Variants in KHDRBS1 observed in about 807,000 individuals in gnomAD.
KHDRBS1 encodes KH RNA binding domain containing, signal transduction associated 1.
A neutral mutation model predicts 48.4 loss-of-function variants in KHDRBS1; 7 were observed. The ratio of observed to expected loss-of-function variants is 0.14; its 90% CI spans 0.08 to 0.27. The LOEUF (loss-of-function observed/expected upper bound fraction) is 0.27. Among genes scored for constraint, KHDRBS1 ranks in the 10% least tolerant of loss-of-function variants. The pLI is 1.00. For missense variants in KHDRBS1, 458 were observed against 601.2 expected (o/e 0.76, Z 2.49); for synonymous variants, 241 against 235.8 (o/e 1.02, Z -0.20).
intron 8 of KHDRBS1, among the ~76,000 whole-genome samples, chr1:32,042,007 T>C (rs761108581): frequency 1.5e-4 from 23 of 152,202 alleles, no homozygotes; most frequent in Non-Finnish European, 2.8e-4. Context: ...TGCTTGGTTT[T>C]CCCAGGGAGC....
intron 1 of KHDRBS1, among the ~76,000 whole-genome samples, chr1:32,022,578 TC>T (rs1387315249): frequency 3.9e-5 from 6 of 152,046 alleles, no homozygotes; most frequent in Admixed American, 2.0e-4. Context: ...ATTGTCTTGT[TC>T]CTTATGCAGG....
At position 32,033,176 on chromosome 1, in the gene KHDRBS1, A is replaced by C; in HGVS notation, c.625-12A>C. ...AGTCCATGGTGTGACATTTCTCTGC[A>C]TTTTTCCATAGGAGGAAGAGCTGCG... On this transcript the variant is annotated splice_polypyrimidine_tract_variant and intron_variant, in intron 3 of 8. Coordinates refer to ENST00000327300, the MANE Select transcript of KHDRBS1 (RefSeq NM_006559.3). The C allele has an allele frequency of 6.2e-7, 1 of 1,611,758 alleles. No homozygotes were observed.
intron 10 of KHDRBS1, among the ~76,000 whole-genome samples, chr1:32,050,707 G>T (rs1179422649): frequency 6.6e-6 from 1 of 151,866 alleles, no homozygotes; most frequent in Admixed American, 6.6e-5. Flanking sequence ...TAGAGGCAAG[G>T]TTTCACCATG....
At chr1:32,059,174 A>C (rs1335232544) in intron 10 of KHDRBS1, among the ~76,000 whole-genome samples, 1 of 151,402 alleles carries the variant, frequency 6.6e-6, no homozygotes, top group Admixed American at 6.6e-5. Context: ...AGAAAAAAAA[A>C]AAAAAAAAAA....
At chr1:32,054,144 AAGTT>A (rs1639453450) in intron 10 of KHDRBS1, among the ~76,000 whole-genome samples, 2 of 152,294 alleles carry the variant, frequency 1.3e-5, no homozygotes, top group East Asian at 1.9e-4. Flanking sequence ...TTGGAAGAAT[AAGTT>A]AGTGCTGATT....
At chr1:32,028,889 A>G (rs1429535571) in intron 1 of KHDRBS1, among the ~76,000 whole-genome samples, 9 of 151,066 alleles carry the variant, frequency 6.0e-5, no homozygotes, top group African/African-American at 9.8e-5. Flanking sequence ...CCTCATCTCT[A>G]TTAGAACTCC....
At chr1:32,014,657 C>G (rs763834097) in intron 1 of KHDRBS1, among the ~76,000 whole-genome samples, 1 of 152,244 alleles carries the variant, frequency 6.6e-6, no homozygotes, top group Admixed American at 6.5e-5. Flanking sequence ...CCCGACTCTT[C>G]CCTCCTCCCT....
chr1:32,045,132 G>T (rs1047736010), downstream of KHDRBS1, among the ~76,000 whole-genome samples: 1 of 152,118 alleles, frequency 6.6e-6, no homozygotes, highest in Non-Finnish European at 1.5e-5. Flanking sequence ...TTTCTGCTCA[G>T]CTATTTAAAA....
Position 32,033,334 on chromosome 1 carries a change from G to A in KHDRBS1, c.771G>A (p.Pro257=), listed in dbSNP as rs1254351666. The change falls in exon 4 of 9, where the codon CCG becomes CCA. Residue 257 remains proline (P), a splice_region_variant and synonymous_variant. Transcript: ENST00000327300. The stretch of plus-strand genomic sequence containing the variant: ...AGGAAGTCAAGAAATTTCTAGTACC[G>A]GTAAGGAAATCCATATCCTGTGTCT... ...AMEEVKKFLV[P]DMMDDICQEQ... is the part of the protein sequence containing the mutation. The A allele has an allele frequency of 1.9e-6, 3 of 1,613,932 alleles. No homozygotes were observed. Among genetic ancestry groups the A allele is most frequent in the African/African-American group, 2.7e-5 (2 of 75,044 alleles).
At chr1:32,036,162 G>GTT (rs1639173396) in intron 4 of KHDRBS1, among the ~76,000 whole-genome samples, 1 of 104,992 alleles carries the variant, frequency 9.5e-6, no homozygotes, top group African/African-American at 4.0e-5. Flanking sequence ...TCATTTTGAA[G>GTT]ATTTTTTTTT....
intron 7 of KHDRBS1, 69 bp from the exon 8 acceptor site, chr1:32,039,446 G>C: frequency 1.3e-6 from 1 of 793,962 alleles, no homozygotes; most frequent in Non-Finnish European, 2.3e-6. Context: ...CTGACTTATG[G>C]AAGTATTTGA....
rs959608451 is a variant in KHDRBS1, at chr1:32,017,849, C to T, written c.382+3472C>T. Reference sequence around the variant, plus strand: ...CTCAAACTCCCGACCTCAGGTGATCCGCCTGCCTCGGCCTCCCAAAGTGCT... The same window carrying T: ...CTCAAACTCCCGACCTCAGGTGATCTGCCTGCCTCGGCCTCCCAAAGTGCT... On this transcript the variant is annotated intron_variant, in intron 1 of 8. Transcript: ENST00000327300. Among the ~76,000 whole-genome samples the T allele has an allele frequency of 7.9e-5, 12 of 151,940 alleles. No individual in the cohort carries two copies. The East Asian group carries it at 1.6e-3, about 20-fold the overall frequency.
At position 32,037,002 on chromosome 1, in the gene KHDRBS1, G is replaced by A; in HGVS notation, c.864G>A (p.Val288=). 6.2e-7 allele frequency: 1 copy of A among 1,614,166 alleles called. No homozygotes were observed. Among genetic ancestry groups the A allele is most frequent in the Non-Finnish European group, 8.5e-7 (1 of 1,180,018 alleles). Reference sequence around the variant, plus strand: ...CCTCTCGTGGACGTGGGGTGCCAGTGAGAGGCCGGGGAGCTGCACCTCCTC... The same window carrying A: ...CCTCTCGTGGACGTGGGGTGCCAGTAAGAGGCCGGGGAGCTGCACCTCCTC... The part of the protein sequence containing the change: ...PEPSRGRGVP[V]RGRGAAPPPP... Residue 288 remains valine, a synonymous_variant, in exon 5 of 9, where the codon GTG becomes GTA. Coordinates refer to ENST00000327300, the MANE Select transcript of KHDRBS1 (RefSeq NM_006559.3).
At chr1:32,021,782 A>G (rs1192868586) in intron 1 of KHDRBS1, among the ~76,000 whole-genome samples, 2 of 151,770 alleles carry the variant, frequency 1.3e-5, no homozygotes, top group Non-Finnish European at 2.9e-5. Flanking sequence ...ACACCTGGCT[A>G]ATTTTTGACA....
chr1:32,019,811 G>T (rs969562016), intron 1 of KHDRBS1, among the ~76,000 whole-genome samples: 2 of 151,970 alleles, frequency 1.3e-5, no homozygotes, highest in African/African-American at 4.8e-5. Flanking sequence ...TCGCTCTGTC[G>T]CTCACGCTGG....
At chr1:32,026,526 T>G (rs777617721) in intron 1 of KHDRBS1, among the ~76,000 whole-genome samples, 1 of 152,166 alleles carries the variant, frequency 6.6e-6, no homozygotes, top group Non-Finnish European at 1.5e-5. Context: ...AGTTCAAAAA[T>G]AGAAGAATCC....
intron 7 of KHDRBS1, 129 bp downstream of exon 7, chr1:32,038,748 C>T (rs1639231697): frequency 2.6e-6 from 2 of 777,316 alleles, no homozygotes; most frequent in Non-Finnish European, 4.3e-6. Flanking sequence ...ATCTCCTCTG[C>T]AACCCCCACA....
intron 6 of KHDRBS1, among the ~76,000 whole-genome samples, chr1:32,038,314 C>T (rs1639222560): frequency 1.3e-5 from 2 of 152,132 alleles, no homozygotes; most frequent in African/African-American, 2.4e-5. Context: ...TACTAAAGCT[C>T]GATTTTGTAC....
Position 32,059,312 on chromosome 1 carries a change from A to C in KHDRBS1, n.1302-851A>C, listed in dbSNP as rs145704092. Among the ~76,000 whole-genome samples, 49 of 152,098 alleles carry C rather than the reference A, an allele frequency of 3.2e-4. No homozygotes were observed. The East Asian group carries it at 6.8e-3, about 21-fold the overall frequency. On this transcript the variant is annotated intron_variant and non_coding_transcript_variant, in intron 10 of 10. Transcript: ENST00000484270. ...CCAGGCATGGTGGCTCACACCTATAATCCCAGCACTCTGGCAAGCCATTAA... is the reference window on the plus strand; with the variant it reads ...CCAGGCATGGTGGCTCACACCTATACTCCCAGCACTCTGGCAAGCCATTAA...
Sources: gnomAD v4.1 joint callset for allele counts (sites outside exome capture counted in the v4.1 genomes callset) on GRCh38, gnomAD v4.1.1 for gene constraint, MANE v1.5 for transcripts, NCBI Gene and HGNC (gene_info 2026-07-23, HGNC 2026-07-21) for gene names.